Variants in SH3KBP1 observed in about 807,000 individuals in gnomAD.
The protein encoded by SH3KBP1 is SH3 domain-containing kinase-binding protein 1.
SH3KBP1 carries 8 observed loss-of-function variants against 50.1 expected under a neutral mutation model. That is an observed-to-expected ratio of 0.16 (90% confidence interval 0.09 to 0.29). The LOEUF is 0.29. Ranked by LOEUF, SH3KBP1 falls within the 10% of genes least tolerant of loss-of-function variation. SH3KBP1 has a pLI of 1.00. For missense variants in SH3KBP1, 377 were observed against 535.2 expected, an observed-to-expected ratio of 0.70 and a Z score of 2.92; for synonymous variants, 227 against 218.6, an observed-to-expected ratio of 1.04 and a Z score of -0.34.
intron 2 of SH3KBP1, among the ~76,000 whole-genome samples, chrX:19,816,412 C>A (rs923688980): frequency 8.9e-6 from 1 of 112,094 alleles, no homozygotes; most frequent in African/African-American, 3.2e-5. Context: ...GATACAAGTC[C>A]TTTGTCAGAC....
At chrX:19,567,713 A>G (rs1180690919) in intron 13 of SH3KBP1, among the ~76,000 whole-genome samples, 1 of 105,748 alleles carries the variant, frequency 9.5e-6, no homozygotes, top group Non-Finnish European at 1.9e-5. Flanking sequence ...GGAGAAACTG[A>G]GTAAAGGGTA....
intron 9 of SH3KBP1, among the ~76,000 whole-genome samples, chrX:19,604,002 A>G (rs1193092525): frequency 1.3e-4 from 15 of 111,255 alleles, no homozygotes; most frequent in African/African-American, 4.9e-4. Flanking sequence ...CTTAAATAAC[A>G]CTATCTTTCA....
At chrX:19,809,864 A>C (rs1272902148) in intron 2 of SH3KBP1, among the ~76,000 whole-genome samples, 4 of 112,174 alleles carry the variant, frequency 3.6e-5, no homozygotes, top group Non-Finnish European at 7.5e-5. Context: ...TCCTAATTTA[A>C]TATAATTGGT....
intron 15 of SH3KBP1, among the ~76,000 whole-genome samples, chrX:19,542,794 G>A (rs989794621): frequency 1.3e-4 from 15 of 111,980 alleles, no homozygotes; most frequent in African/African-American, 1.9e-4. Context: ...TCTAGAGACC[G>A]CAGAGCAAAA....
At chrX:19,550,936 A>G (rs774579976) in intron 13 of SH3KBP1, among the ~76,000 whole-genome samples, 1 of 111,576 alleles carries the variant, frequency 9.0e-6, no homozygotes, top group South Asian at 3.8e-4. Flanking sequence ...TGCAGCTAAA[A>G]ACATCCTAAC....
chrX:19,766,865 C>A (rs1401995110), intron 2 of SH3KBP1, among the ~76,000 whole-genome samples: 1 of 111,000 alleles, frequency 9.0e-6, no homozygotes, highest in African/African-American at 3.3e-5. Flanking sequence ...TTTTGTTGCC[C>A]ATGTGCTTCC....
chrX:19,751,689 G>C (rs1256955034), intron 2 of SH3KBP1, among the ~76,000 whole-genome samples: 1 of 111,462 alleles, frequency 9.0e-6, no homozygotes, highest in African/African-American at 3.3e-5. Flanking sequence ...GTGTCACAAG[G>C]ACCACTTGAG....
intron 1 of SH3KBP1, among the ~76,000 whole-genome samples, chrX:19,859,360 C>T (rs2068729208): frequency 9.0e-6 from 1 of 110,935 alleles, no homozygotes; most frequent in African/African-American, 3.3e-5. Flanking sequence ...GTTGGCCAGA[C>T]TGGTCTTGAA....
intron 8 of SH3KBP1, among the ~76,000 whole-genome samples, chrX:19,628,405 G>A (rs1396606839): frequency 9.0e-6 from 1 of 111,078 alleles, no homozygotes; most frequent in Admixed American, 9.6e-5. Context: ...TCAGCTTTAT[G>A]GCCCTTGCTT....
chrX:19,862,412 A>C (rs1182999369), intron 1 of SH3KBP1, among the ~76,000 whole-genome samples: 1 of 111,892 alleles, frequency 8.9e-6, no homozygotes, highest in Non-Finnish European at 1.9e-5. Context: ...AAAATGAGCT[A>C]TCTATTTGTA....
At chrX:19,558,935 AC>A (rs1408307397) in intron 13 of SH3KBP1, among the ~76,000 whole-genome samples, 4 of 111,189 alleles carry the variant, frequency 3.6e-5, no homozygotes, top group Admixed American at 2.9e-4. Context: ...CATTTTAGAG[AC>A]GTAAGTGCCA....
intron 2 of SH3KBP1, among the ~76,000 whole-genome samples, chrX:19,782,264 A>C (rs1473500215): frequency 8.9e-6 from 1 of 112,034 alleles, no homozygotes; most frequent in African/African-American, 3.2e-5. Context: ...AAGGAAAGCC[A>C]GGAGCCACCA....
chrX:19,621,241 A>ATTT, intron 8 of SH3KBP1, among the ~76,000 whole-genome samples: 1 of 64,584 alleles, frequency 1.5e-5, no homozygotes, highest in Non-Finnish European at 2.9e-5. Context: ...CACCTGGCTA[A>ATTT]TTTTTTTTTT....
rs183579373 is a variant in SH3KBP1, at chrX:19,559,627, C to A, written c.1384+9476G>T. On this transcript the variant is annotated intron_variant, in intron 13 of 17. Coordinates refer to ENST00000397821, the MANE Select transcript of SH3KBP1 (RefSeq NM_031892.3). Reference sequence around the variant, plus strand: ...TACAGGTGTGAGCCACTGCGCCCGGCCAGAACGGAAATAATTTTGTTATCA... The same window carrying A: ...TACAGGTGTGAGCCACTGCGCCCGGACAGAACGGAAATAATTTTGTTATCA... Among the ~76,000 whole-genome samples the A allele has an allele frequency of 1.4e-4, 15 of 111,061 alleles. No individual in the cohort carries two copies. In the East Asian group the frequency reaches 3.7e-3, roughly 27 times the overall value.
At chrX:19,565,131 G>A (rs1055195143) in intron 13 of SH3KBP1, among the ~76,000 whole-genome samples, 8 of 91,516 alleles carry the variant, frequency 8.7e-5, no homozygotes, top group Admixed American at 1.4e-4. Flanking sequence ...GTGCAATCTT[G>A]GCTCACTGCA....
chrX:19,761,375 G>T (rs1444772372), intron 2 of SH3KBP1, among the ~76,000 whole-genome samples: 3 of 96,353 alleles, frequency 3.1e-5, no homozygotes, highest in Admixed American at 2.2e-4. Flanking sequence ...GGGGAGGGAG[G>T]GGGGAGAGAG....
At chrX:19,720,875 T>G (rs2064040560) in intron 3 of SH3KBP1, among the ~76,000 whole-genome samples, 1 of 111,131 alleles carries the variant, frequency 9.0e-6, no homozygotes, top group Admixed American at 9.6e-5. Context: ...GGGAGGTATG[T>G]GTGTGTGGGT....
chrX:19,584,610 G>C (rs2066503660), intron 12 of SH3KBP1, among the ~76,000 whole-genome samples: 1 of 110,891 alleles, frequency 9.0e-6, no homozygotes, highest in South Asian at 3.8e-4. Flanking sequence ...TGGGATTACA[G>C]ACAGGAGCCA....
At chrX:19,849,262 C>T (rs61681667) in intron 1 of SH3KBP1, among the ~76,000 whole-genome samples, 138 of 111,561 alleles carry the variant, frequency 1.2e-3, no homozygotes, top group Middle Eastern at 4.6e-3. Flanking sequence ...GGATACAGAA[C>T]GTCCGAAAAT....
Sources: gnomAD v4.1 joint callset for allele counts (sites outside exome capture counted in the v4.1 genomes callset) on GRCh38, gnomAD v4.1.1 for gene constraint, MANE v1.5 for transcripts, NCBI Gene and HGNC (gene_info 2026-07-23, HGNC 2026-07-21) for gene names.